SPECC1: variants seen among roughly 807,000 people sequenced by gnomAD.
SPECC1 encodes sperm antigen with calponin homology and coiled-coil domains 1, also known as cytospin-B.
A neutral mutation model predicts 104.1 loss-of-function variants in SPECC1; 62 were observed. That is an observed-to-expected ratio of 0.60 (90% confidence interval 0.49 to 0.74). SPECC1 has a LOEUF of 0.74. Ranked by LOEUF, SPECC1 falls within the 30% of genes least tolerant of loss-of-function variation. SPECC1 has a pLI of 0.00. For synonymous variants in SPECC1, 513 were observed against 501.6 expected, an observed-to-expected ratio of 1.02 and a Z score of -0.30; for missense variants, 1,306 against 1,310.5, an observed-to-expected ratio of 1.00 and a Z score of 0.05.
At position 20,296,977 on chromosome 17, in the gene SPECC1, A is replaced by G. The variant is rs1374639360; in HGVS notation, c.2957A>G (p.Asn986Ser). 6 of 1,614,176 alleles carry G rather than the reference A, an allele frequency of 3.7e-6. No homozygotes were observed. The highest frequency in any genetic ancestry group is 1.1e-5 in the South Asian group (1 of 91,066). Residue 986 changes from asparagine (N) to serine (S), a missense_variant, in exon 13 of 15, where the codon AAT becomes AGT. This residue lies in a region of SPECC1 where 129 missense variants were observed against 170.6 expected (regional missense o/e 0.76). Coordinates refer to ENST00000395527, the MANE Select transcript of SPECC1 (RefSeq NM_001243439.2). ...TQGYANIDIT[N>S]FSSSWSDGLA... ...CTCCTGCAGAACATTGACATCACCA[A>G]TTTCAGCAGCAGCTGGAGCGATGGC...
chr17:20,290,708 G>A (rs1469821706), intron 12 of SPECC1, among the ~76,000 whole-genome samples: 2 of 151,986 alleles, frequency 1.3e-5, no homozygotes, highest in Non-Finnish European at 2.9e-5. Context: ...GTAGACGTGA[G>A]GTTTCACCAT....
intron 2 of SPECC1, among the ~76,000 whole-genome samples, chr17:20,104,616 G>A (rs897479648): frequency 1.3e-5 from 2 of 151,800 alleles, no homozygotes; most frequent in African/African-American, 2.4e-5. Context: ...GGGGGCACGT[G>A]CCTGTAATCC....
rs1311598393 is a variant in SPECC1, at chr17:20,167,688, AAG to A, written c.284-36643_284-36642del. On this transcript the variant is annotated intron_variant, in intron 3 of 14. Coordinates refer to ENST00000395527, the MANE Select transcript of SPECC1 (RefSeq NM_001243439.2). ...AGTGAAACTACGTCTCAAAAACAAA[AAG>A]AAAATACCTCCTCAAATAATCCTGA... is the stretch of plus-strand genomic sequence containing the variant. 3.3e-5 allele frequency among the ~76,000 whole-genome samples: 5 copies of A among 152,302 alleles called. No individual in the cohort carries two copies. In the East Asian group the frequency reaches 5.8e-4, roughly 18 times the overall value.
intron 3 of SPECC1, among the ~76,000 whole-genome samples, chr17:20,122,642 C>G (rs964375455): frequency 6.6e-6 from 1 of 152,184 alleles, no homozygotes; most frequent in African/African-American, 2.4e-5. Context: ...CTTCCCATTC[C>G]CCTTCCCTCA....
intron 7 of SPECC1, among the ~76,000 whole-genome samples, chr17:20,233,599 A>G (rs1287442895): frequency 2.6e-5 from 4 of 152,158 alleles, no homozygotes; most frequent in Admixed American, 6.5e-5. Flanking sequence ...GACTCGAACT[A>G]CTGAGCCCAG....
chr17:20,198,830 C>T (rs60496867), intron 3 of SPECC1, among the ~76,000 whole-genome samples: 20,744 of 152,170 alleles, frequency 0.14, 2,946 homozygotes, highest in African/African-American at 0.37. Context: ...GCTTTCTCTT[C>T]CTCTTTGGTT....
intron 1 of SPECC1, among the ~76,000 whole-genome samples, chr17:20,069,550 T>C (rs1159588006): frequency 6.6e-6 from 1 of 152,202 alleles, no homozygotes; most frequent in Admixed American, 6.5e-5. Flanking sequence ...TGTTCTTTTA[T>C]ATGTGGATAT....
intron 4 of SPECC1, among the ~76,000 whole-genome samples, chr17:20,223,934 A>G (rs1047819344): frequency 2.6e-5 from 4 of 152,190 alleles, no homozygotes; most frequent in Non-Finnish European, 5.9e-5. Flanking sequence ...TCCGGTATTT[A>G]TTCAGTCTTC....
At chr17:20,178,821 A>G (rs2034657726) in intron 3 of SPECC1, among the ~76,000 whole-genome samples, 1 of 152,256 alleles carries the variant, frequency 6.6e-6, no homozygotes, top group Admixed American at 6.5e-5. Flanking sequence ...TCTGAGCTGA[A>G]TAAAATGTTA....
chr17:20,085,165 C>G (rs949794283), intron 1 of SPECC1, among the ~76,000 whole-genome samples: 2 of 152,226 alleles, frequency 1.3e-5, no homozygotes, highest in African/African-American at 4.8e-5. Flanking sequence ...GGTCAAAGTG[C>G]AAGACAGCTG....
At chr17:20,291,259 C>T (rs934973290) in intron 12 of SPECC1, among the ~76,000 whole-genome samples, 19 of 152,324 alleles carry the variant, frequency 1.2e-4, no homozygotes, top group Admixed American at 1.2e-3. Flanking sequence ...CCTCTCCCAC[C>T]CTCAGCCTTT....
intron 12 of SPECC1, among the ~76,000 whole-genome samples, chr17:20,279,467 C>T (rs1227286766): frequency 2.6e-5 from 4 of 151,926 alleles, no homozygotes; most frequent in Admixed American, 6.6e-5. Flanking sequence ...GGATTGCAGG[C>T]ATGCGCCACC....
chr17:20,218,340 A>G (rs1024899115), intron 4 of SPECC1, among the ~76,000 whole-genome samples: 1 of 152,100 alleles, frequency 6.6e-6, no homozygotes, highest in African/African-American at 2.4e-5. Context: ...ATTAAGGAAT[A>G]CAAGGCTTGA....
intron 2 of SPECC1, among the ~76,000 whole-genome samples, chr17:20,104,761 A>AAAG (rs1567845694): frequency 2.0e-5 from 3 of 149,896 alleles, no homozygotes; most frequent in African/African-American, 7.4e-5. Context: ...AAAAAAAAAA[A>AAAG]AAAAAGAAAA....
intron 1 of SPECC1, among the ~76,000 whole-genome samples, chr17:20,082,957 T>TGTTCGTTCGTTC (rs5819696): frequency 3.7e-4 from 54 of 147,762 alleles, no homozygotes; most frequent in South Asian, 8.7e-4. Context: ...TGTCCTTTGG[T>TGTTCGTTCGTTC]GTTCGTTCGT....
At chr17:20,157,757 T>C (rs1406421070) in intron 3 of SPECC1, among the ~76,000 whole-genome samples, 2 of 152,194 alleles carry the variant, frequency 1.3e-5, no homozygotes, top group Admixed American at 6.5e-5. Context: ...CAGTGACTTA[T>C]TTTATTGTAT....
chr17:20,120,797 T>G (rs1484635292), intron 3 of SPECC1, among the ~76,000 whole-genome samples: 1 of 152,240 alleles, frequency 6.6e-6, no homozygotes, highest in Non-Finnish European at 1.5e-5. Flanking sequence ...CAGCCTATAT[T>G]TTATTGCACC....
chr17:20,185,496 G>T (rs1006609907), intron 3 of SPECC1, among the ~76,000 whole-genome samples: 1 of 152,228 alleles, frequency 6.6e-6, no homozygotes, highest in Admixed American at 6.5e-5. Context: ...ATCTCAGCCA[G>T]GGTTTCGGAT....
intron 12 of SPECC1, among the ~76,000 whole-genome samples, chr17:20,276,146 T>TG (rs2040568377): frequency 6.6e-6 from 1 of 152,208 alleles, no homozygotes; most frequent in Non-Finnish European, 1.5e-5. Flanking sequence ...AGTTGGAGTC[T>TG]TGCTCTGTTG....
Sources: allele counts gnomAD v4.1 joint callset (sites outside exome capture counted in the v4.1 genomes callset), GRCh38; gene constraint gnomAD v4.1.1; regional missense constraint gnomAD v4.1.1; transcripts MANE v1.5; gene names NCBI Gene and HGNC (gene_info 2026-07-23, HGNC 2026-07-21).